Variants in KCNIP1 observed in about 807,000 individuals in gnomAD.
The protein encoded by KCNIP1 is potassium voltage-gated channel interacting protein 1.
In KCNIP1, 18 loss-of-function variants were observed where a neutral mutation model predicts 33.0. The observed-to-expected ratio is 0.55, with a 90% CI of 0.38 to 0.81. The LOEUF is 0.81. Ranked by LOEUF, KCNIP1 falls within the 30% of genes least tolerant of loss-of-function variation. The probability of loss-of-function intolerance (pLI) is 0.00; values close to 1 mark genes in which losing one functional copy is unlikely to be tolerated. For synonymous variants in KCNIP1, 93 were observed against 98.3 expected (o/e 0.95, Z 0.32); for missense variants, 238 against 271.6 (o/e 0.88, Z 0.87).
chr5:170,671,073 T>C (rs1382537079), intron 1 of KCNIP1, among the ~76,000 whole-genome samples: 2 of 152,124 alleles, frequency 1.3e-5, no homozygotes, highest in Non-Finnish European at 2.9e-5. Flanking sequence ...TGGAAGTTCA[T>C]ACCCCACAAT....
At chr5:170,589,138 A>G (rs532907928) in intron 1 of KCNIP1, among the ~76,000 whole-genome samples, 18 of 151,794 alleles carry the variant, frequency 1.2e-4, no homozygotes, top group Non-Finnish European at 2.5e-4. Context: ...AGCTGGGACT[A>G]CAGGTGCTGC....
At chr5:170,538,059 C>A (rs976189661) in intron 1 of KCNIP1, among the ~76,000 whole-genome samples, 11 of 152,178 alleles carry the variant, frequency 7.2e-5, no homozygotes, top group African/African-American at 2.7e-4. Flanking sequence ...CTTCAGAGAG[C>A]CCTGGGAGGA....
intron 1 of KCNIP1, among the ~76,000 whole-genome samples, chr5:170,535,933 G>T (rs1437196905): frequency 6.6e-6 from 1 of 152,292 alleles, no homozygotes; most frequent in East Asian, 1.9e-4. Flanking sequence ...GCCTCCTCCA[G>T]CCCCACCAGT....
chr5:170,411,557 G>A (rs1233697261), intron 1 of KCNIP1, among the ~76,000 whole-genome samples: 3 of 152,200 alleles, frequency 2.0e-5, no homozygotes, highest in African/African-American at 7.2e-5. Context: ...AATCCTAAAG[G>A]AAAGGTCTTA....
intron 2 of KCNIP1, among the ~76,000 whole-genome samples, chr5:170,720,097 T>G (rs1763766893): frequency 6.6e-6 from 1 of 152,170 alleles, no homozygotes; most frequent in African/African-American, 2.4e-5. Context: ...TTTTCTGATC[T>G]TAAAGCCCCA....
At chr5:170,560,098 C>G (rs1041199628) in intron 1 of KCNIP1, among the ~76,000 whole-genome samples, 3 of 152,160 alleles carry the variant, frequency 2.0e-5, no homozygotes, top group African/African-American at 7.2e-5. Context: ...CAGGAGCTAC[C>G]ACTGAGTGGC....
intron 1 of KCNIP1, among the ~76,000 whole-genome samples, chr5:170,438,578 T>TC (rs1175191644): frequency 1.3e-5 from 2 of 152,108 alleles, no homozygotes; most frequent in Non-Finnish European, 2.9e-5. Flanking sequence ...CTCCTCTCCA[T>TC]CCTGGCTGCC....
chr5:170,365,140 T>C (rs768624349), intron 1 of KCNIP1, among the ~76,000 whole-genome samples: 9 of 152,136 alleles, frequency 5.9e-5, no homozygotes, highest in Non-Finnish European at 8.8e-5. Flanking sequence ...GTGCAGGGCC[T>C]ACCACATGGT....
chr5:170,648,505 T>A lies in KCNIP1; in HGVS notation c.62-70253T>A, dbSNP rs142624779. 1.1e-4 allele frequency among the ~76,000 whole-genome samples: 17 copies of A among 152,246 alleles called. No individual in the cohort carries two copies. In the East Asian group the frequency reaches 3.3e-3, roughly 29 times the overall value. On this transcript the variant is annotated intron_variant, in intron 1 of 7. Transcript: ENST00000328939. ...GGCATGGAGGAACCGTAAGTGCACA[T>A]TACTAAGTGAAAAAAGCCAATCATG...
chr5:170,654,405 T>C (rs1448448634), intron 1 of KCNIP1, among the ~76,000 whole-genome samples: 1 of 152,120 alleles, frequency 6.6e-6, no homozygotes, highest in African/African-American at 2.4e-5. Flanking sequence ...ATCCATAAAT[T>C]GTATGTACTA....
chr5:170,437,738 C>T (rs1156879810), intron 1 of KCNIP1, among the ~76,000 whole-genome samples: 1 of 152,216 alleles, frequency 6.6e-6, no homozygotes, highest in Non-Finnish European at 1.5e-5. Context: ...GGAAGGCAAT[C>T]CTCCAGCCCG....
chr5:170,563,637 T>G (rs1757109159), intron 1 of KCNIP1, among the ~76,000 whole-genome samples: 1 of 130,680 alleles, frequency 7.7e-6, no homozygotes, highest in African/African-American at 2.9e-5. Flanking sequence ...GTTTTGTTTT[T>G]TTTTTTGTTT....
chr5:170,442,253 T>C (rs1002609925), intron 1 of KCNIP1, among the ~76,000 whole-genome samples: 1 of 152,006 alleles, frequency 6.6e-6, no homozygotes, highest in Non-Finnish European at 1.5e-5. Flanking sequence ...CTTTCAGAGA[T>C]CAGAGAAAAG....
At chr5:170,396,092 G>A (rs1581150189) in intron 1 of KCNIP1, among the ~76,000 whole-genome samples, 1 of 152,316 alleles carries the variant, frequency 6.6e-6, no homozygotes, top group Middle Eastern at 3.4e-3. Context: ...TTGGAGAGCT[G>A]TTTTGCCAGC....
intron 1 of KCNIP1, among the ~76,000 whole-genome samples, chr5:170,641,791 T>C (rs1434754879): frequency 6.6e-6 from 1 of 152,176 alleles, no homozygotes; most frequent in Non-Finnish European, 1.5e-5. Context: ...AAAGAGCTGC[T>C]CCTGGCAGCT....
intron 1 of KCNIP1, among the ~76,000 whole-genome samples, chr5:170,612,037 G>A (rs554759685): frequency 2.6e-5 from 4 of 152,300 alleles, no homozygotes; most frequent in Admixed American, 6.5e-5. Flanking sequence ...CCCACACCTC[G>A]ATTAATCCAC....
At chr5:170,444,704 A>AG (rs1756071241) in intron 1 of KCNIP1, among the ~76,000 whole-genome samples, 1 of 151,626 alleles carries the variant, frequency 6.6e-6, no homozygotes, top group Non-Finnish European at 1.5e-5. Context: ...TTTTTTAAAA[A>AG]AAAAAAAAAA....
intron 1 of KCNIP1, among the ~76,000 whole-genome samples, chr5:170,707,131 A>G (rs1763281738): frequency 6.7e-6 from 1 of 149,482 alleles, no homozygotes; most frequent in Non-Finnish European, 1.5e-5. Context: ...AGCTGCAGAG[A>G]CTGCTGGAAC....
intron 1 of KCNIP1, among the ~76,000 whole-genome samples, chr5:170,430,234 A>C (rs997215092): frequency 2.0e-5 from 3 of 152,194 alleles, no homozygotes; most frequent in Non-Finnish European, 2.9e-5. Context: ...GGGGCTTTTC[A>C]TGGTTCCAGC....
Sources: gnomAD v4.1 joint callset for allele counts (sites outside exome capture counted in the v4.1 genomes callset) on GRCh38, gnomAD v4.1.1 for gene constraint, MANE v1.5 for transcripts, NCBI Gene and HGNC (gene_info 2026-07-23, HGNC 2026-07-21) for gene names.